GRAMD4: variants seen among roughly 807,000 people sequenced by gnomAD.
GRAMD4 encodes the protein GRAM domain-containing protein 4.
In GRAMD4, 25 loss-of-function variants were observed where a neutral mutation model predicts 83.9. The ratio of observed to expected loss-of-function variants is 0.30; its 90% confidence interval spans 0.22 to 0.42. The LOEUF is 0.42. Among genes scored for constraint, GRAMD4 ranks in the 10% least tolerant of loss-of-function variants. The pLI is 1.00. For synonymous variants in GRAMD4, 336 were observed against 320.9 expected, an observed-to-expected ratio of 1.05 and a Z score of -0.50; for missense variants, 593 against 788.7, an observed-to-expected ratio of 0.75 and a Z score of 2.97.
chr22:46,663,759 CAACGG>C, intron 6 of GRAMD4, 74 bp from the exon 7 acceptor site: 1 of 1,433,180 alleles, frequency 7.0e-7, no homozygotes, highest in Non-Finnish European at 9.8e-7. Flanking sequence ...CCTGCAGAGC[CAACGG>C]AACCGGGCAG....
chr22:46,607,700 G>C (rs957309923), intron 1 of GRAMD4, among the ~76,000 whole-genome samples: 5 of 152,198 alleles, frequency 3.3e-5, no homozygotes, highest in African/African-American at 1.2e-4. Context: ...TTCCACTTCA[G>C]GCCTCTTCCA....
chr22:46,637,321 T>C (rs915583565), intron 2 of GRAMD4, among the ~76,000 whole-genome samples: 1 of 151,974 alleles, frequency 6.6e-6, no homozygotes, highest in East Asian at 1.9e-4. Context: ...GGCGCGATCT[T>C]GGCTCACTGC....
chr22:46,633,622 C>G (rs1032600798), intron 2 of GRAMD4, among the ~76,000 whole-genome samples: 6 of 152,234 alleles, frequency 3.9e-5, no homozygotes, highest in Admixed American at 3.9e-4. Context: ...ACGGGAGTCC[C>G]CAGCTGGAGG....
chr22:46,641,219 C>T (rs958816232), intron 3 of GRAMD4, among the ~76,000 whole-genome samples: 5 of 152,102 alleles, frequency 3.3e-5, no homozygotes, highest in African/African-American at 9.7e-5. Context: ...ATTACAGGCA[C>T]GCACCTCCAT....
At chr22:46,657,642 C>A (rs1038629996) in intron 3 of GRAMD4, among the ~76,000 whole-genome samples, 1 of 152,232 alleles carries the variant, frequency 6.6e-6, no homozygotes, top group Non-Finnish European at 1.5e-5. Flanking sequence ...CACCTTCTCC[C>A]GAGGCTTTCC....
Position 46,675,569 on chromosome 22 carries a change from A to G in GRAMD4, c.1563+17A>G. The G allele has an allele frequency of 1.4e-6, 2 of 1,458,886 alleles. No individual in the cohort carries two copies. Among genetic ancestry groups the G allele is most frequent in the Non-Finnish European group, 1.9e-6 (2 of 1,038,802 alleles). The allele number at this position is 1,458,886 out of a possible 1,614,324, so 90.4% of individuals were successfully genotyped here. A position where few individuals can be genotyped will look rare whatever the true frequency, so the allele number is the denominator to read the frequency against. On this transcript the variant is annotated intron_variant, in intron 17 of 18. Coordinates refer to ENST00000406902, the MANE Select transcript of GRAMD4 (RefSeq NM_015124.5). ...ATCCAGAAGGTTGGTGCACCTACCC[A>G]CCCCCACTAACCCCCGTGTTTTCTT... is the stretch of plus-strand genomic sequence containing the variant.
intron 1 of GRAMD4, among the ~76,000 whole-genome samples, chr22:46,596,930 G>A (rs1473105642): frequency 1.3e-5 from 2 of 152,110 alleles, no homozygotes; most frequent in African/African-American, 4.8e-5. Context: ...CCACTCCTTT[G>A]CAGAGCTTGG....
intron 3 of GRAMD4, among the ~76,000 whole-genome samples, chr22:46,653,349 G>A (rs1057320919): frequency 6.6e-6 from 1 of 152,230 alleles, no homozygotes; most frequent in Non-Finnish European, 1.5e-5. Context: ...GGGCTCTGGC[G>A]TTCACATTTG....
chr22:46,628,541 CA>C lies in GRAMD4; in HGVS notation c.162+1581del, dbSNP rs2081711344. Among the ~76,000 whole-genome samples, 3 of 57,378 alleles carry C rather than the reference CA, an allele frequency of 5.2e-5. 1 individual carries two copies. Among genetic ancestry groups the C allele is most frequent in the African/African-American group, 1.5e-4 (2 of 13,400 alleles). The allele number at this position is 57,378 out of a possible 152,430, so 37.6% of individuals were successfully genotyped here. ...GAGTGTGTGCGTGGTGTCTGAGGGG[CA>C]GGTGGACTGAGTGTGTGCGTGGTGT... On this transcript the variant is annotated intron_variant, in intron 2 of 18. Transcript: ENST00000406902.
Position 46,677,442 on chromosome 22 carries a change from G to T in GRAMD4, c.*191G>T. On this transcript the variant is annotated 3_prime_UTR_variant, in exon 19 of 19. Transcript: ENST00000406902. ...AGAAGGGGCCAGGGCTCACAGGGAC[G>T]GGGGTGCCCCTCTCCCACAGGGCAC... The T allele has an allele frequency of 1.5e-6, 2 of 1,352,774 alleles. No homozygotes were observed. The highest frequency in any genetic ancestry group is 1.9e-6 in the Non-Finnish European group (2 of 1,051,548). The allele number at this position is 1,352,774 out of a possible 1,614,324, so 83.8% of individuals were successfully genotyped here. A position where few individuals can be genotyped will look rare whatever the true frequency, so the allele number is the denominator to read the frequency against.
intron 1 of GRAMD4, among the ~76,000 whole-genome samples, chr22:46,579,994 C>T (rs1327582439): frequency 6.6e-6 from 1 of 152,146 alleles, no homozygotes; most frequent in East Asian, 1.9e-4. Context: ...GCCTGGTCAC[C>T]CCCTGCCTGA....
intron 1 of GRAMD4, among the ~76,000 whole-genome samples, chr22:46,607,373 G>A (rs1330157898): frequency 3.3e-5 from 5 of 152,162 alleles, no homozygotes; most frequent in Non-Finnish European, 7.4e-5. Context: ...AATAATAGTC[G>A]CCAATAGTTA....
chr22:46,626,946 G>A lies in GRAMD4; in HGVS notation c.147G>A (p.Glu49=), dbSNP rs973860615. The change falls in exon 2 of 19, where the codon GAG becomes GAA. Residue 49 remains glutamate (E), a synonymous_variant. Coordinates refer to ENST00000406902, the MANE Select transcript of GRAMD4 (RefSeq NM_015124.5). ...CGCGGACCTCGCCCCGGGACAGCGAGGAGCTGAGGGACCCTGTGAGTACCT... is the reference window on the plus strand; with the variant it reads ...CGCGGACCTCGCCCCGGGACAGCGAAGAGCTGAGGGACCCTGTGAGTACCT... ...KVPRTSPRDS[E]ELRDPAGPGT... The A allele has an allele frequency of 6.2e-7, 1 of 1,613,116 alleles. No homozygotes were observed. Among genetic ancestry groups the A allele is most frequent in the Non-Finnish European group, 8.5e-7 (1 of 1,179,100 alleles).
At chr22:46,619,921 G>A (rs903653285), upstream of GRAMD4, among the ~76,000 whole-genome samples, 4 of 152,186 alleles carry the variant, frequency 2.6e-5, no homozygotes, top group African/African-American at 7.2e-5. Flanking sequence ...GCGGCTGTGG[G>A]AAAGCGGATG....
At chr22:46,671,908 C>T (rs2082512536) in intron 13 of GRAMD4, among the ~76,000 whole-genome samples, 1 of 152,182 alleles carries the variant, frequency 6.6e-6, no homozygotes, top group African/African-American at 2.4e-5. Context: ...TGAAAATGTC[C>T]TACAAAGGCA....
exon 1 of GRAMD4, chr22:46,577,209 C>T (rs1334523907): frequency 2.3e-6 from 2 of 858,538 alleles, no homozygotes; most frequent in Admixed American, 6.4e-5. Flanking sequence ...CCCGGGCGGG[C>T]GGCAGGCGTA....
intron 2 of GRAMD4, among the ~76,000 whole-genome samples, chr22:46,631,267 C>A (rs2081772202): frequency 6.6e-6 from 1 of 152,226 alleles, no homozygotes; most frequent in South Asian, 2.1e-4. Flanking sequence ...TCCACCTCCA[C>A]CTCCAGAACC....
chr22:46,627,304 C>T (rs535870367), intron 2 of GRAMD4, among the ~76,000 whole-genome samples: 1 of 152,366 alleles, frequency 6.6e-6, no homozygotes, highest in Admixed American at 6.5e-5. Flanking sequence ...CGGGCGTTGT[C>T]TGGAAGCCGC....
chr22:46,582,103 G>A (rs925951151), intron 1 of GRAMD4, among the ~76,000 whole-genome samples: 2 of 152,182 alleles, frequency 1.3e-5, no homozygotes, highest in Admixed American at 6.5e-5. Context: ...GGCCATGGGT[G>A]GTCGAGGAGT....
Sources: gnomAD v4.1 joint callset for allele counts (sites outside exome capture counted in the v4.1 genomes callset) on GRCh38, gnomAD v4.1.1 for gene constraint, MANE v1.5 for transcripts, NCBI Gene and HGNC (gene_info 2026-07-23, HGNC 2026-07-21) for gene names.